The following ARSG variants were observed in gnomAD, a reference collection of about 807,000 sequenced individuals.
The protein encoded by ARSG is ASG.
In ARSG, 37 loss-of-function variants were observed where a neutral mutation model predicts 50.5. The ratio of observed to expected loss-of-function variants is 0.73; its 90% CI spans 0.56 to 0.96. The LOEUF (loss-of-function observed/expected upper bound fraction) is 0.96. Among genes scored for constraint, ARSG ranks in the 50% least tolerant of loss-of-function variants. ARSG has a pLI of 0.00. For missense variants in ARSG, 629 were observed against 675.3 expected (o/e 0.93, Z 0.76); for synonymous variants, 225 against 254.6 (o/e 0.88, Z 1.11).
At chr17:68,369,130 G>A (rs974823962) in intron 7 of ARSG, among the ~76,000 whole-genome samples, 3 of 152,178 alleles carry the variant, frequency 2.0e-5, no homozygotes, top group African/African-American at 4.8e-5. Context: ...GCCACTCCCC[G>A]TGTCACGTCT....
chr17:68,271,685 T>C lies in ARSG; in HGVS notation c.-552+12259T>C. 6.4e-7 allele frequency: 1 copy of C among 1,574,212 alleles called. No homozygotes were observed. Among genetic ancestry groups the C allele is most frequent in the Non-Finnish European group, 8.7e-7 (1 of 1,150,106 alleles). ...ATAGGCAGGAGTGAAGAAGAAATAA[T>C]ATAAGGTCAATAATGGACTCAAGAC... On this transcript the variant is annotated intron_variant, in intron 1 of 11. Transcript: ENST00000448504. This position sits in a 1 kb window ranked among gnomAD's most constrained non-coding sequence, Gnocchi z 5.3.
the ARSG span, chr17:68,450,949 G>A: frequency 6.4e-7 from 1 of 1,569,438 alleles, no homozygotes; most frequent in Non-Finnish European, 8.6e-7. Context: ...TTCCAAGAAG[G>A]ATTCCAGCCT....
At chr17:68,422,984 G>A (rs972969415), downstream of ARSG, among the ~76,000 whole-genome samples, 1 of 152,126 alleles carries the variant, frequency 6.6e-6, no homozygotes, top group African/African-American at 2.4e-5. Flanking sequence ...GTGATCCTAC[G>A]CAGGGAAGTG....
At chr17:68,298,509 C>A (rs1555759430) in intron 1 of ARSG, among the ~76,000 whole-genome samples, 2 of 148,346 alleles carry the variant, frequency 1.3e-5, no homozygotes, top group Non-Finnish European at 1.5e-5. Flanking sequence ...GCACGAGAAT[C>A]ACTTGAACCC....
At chr17:68,363,870 C>T (rs939785794) in intron 6 of ARSG, among the ~76,000 whole-genome samples, 7 of 152,210 alleles carry the variant, frequency 4.6e-5, no homozygotes, top group East Asian at 1.9e-4. Context: ...AATGGTGGGG[C>T]GGGGGACAAG....
At chr17:68,335,895 C>T (rs779962896) in intron 2 of ARSG, among the ~76,000 whole-genome samples, 18 of 152,170 alleles carry the variant, frequency 1.2e-4, no homozygotes, top group Admixed American at 2.0e-4. Context: ...AGAGCAATAT[C>T]GTGTTTTTCT....
chr17:68,421,045 C>T (rs931185341), downstream of ARSG: 37 of 155,388 alleles, frequency 2.4e-4, no homozygotes, highest in Admixed American at 6.9e-4. Flanking sequence ...CAGTAGGGCT[C>T]GAGTAGATCC....
chr17:68,326,362 A>G (rs2077503665), intron 2 of ARSG, among the ~76,000 whole-genome samples: 2 of 152,192 alleles, frequency 1.3e-5, no homozygotes, highest in African/African-American at 4.8e-5. Flanking sequence ...AGCCAGCTGG[A>G]AGTGTTCTAG....
At chr17:68,323,978 C>T (rs1410554279) in intron 2 of ARSG, among the ~76,000 whole-genome samples, 1 of 147,226 alleles carries the variant, frequency 6.8e-6, no homozygotes, top group African/African-American at 2.5e-5. Context: ...GAGGCTGAGG[C>T]AGGAGAATTG....
At chr17:68,315,243 G>A (rs2077025136) in intron 2 of ARSG, among the ~76,000 whole-genome samples, 1 of 152,092 alleles carries the variant, frequency 6.6e-6, no homozygotes, top group Non-Finnish European at 1.5e-5. Flanking sequence ...TTCCCATATG[G>A]CTGTCAAAGA....
At chr17:68,438,696 G>A in the ARSG span, among the ~76,000 whole-genome samples, 1 of 152,224 alleles carries the variant, frequency 6.6e-6, no homozygotes, top group African/African-American at 2.4e-5. Context: ...CGCCTCTTTG[G>A]TTCAAGCGAT....
chr17:68,403,372 A>AG (rs940342675), intron 11 of ARSG, among the ~76,000 whole-genome samples: 1 of 152,222 alleles, frequency 6.6e-6, no homozygotes, highest in African/African-American at 2.4e-5. Flanking sequence ...TATAACACCC[A>AG]GGGGAGGTCT....
chr17:68,427,364 T>G (rs1329846493), downstream of ARSG: 2 of 832,670 alleles, frequency 2.4e-6, no homozygotes, highest in African/African-American at 3.4e-5. Flanking sequence ...GTGGGTTATT[T>G]ATTTATTTTT....
At chr17:68,388,942 A>G (rs972752969) in intron 9 of ARSG, among the ~76,000 whole-genome samples, 10 of 146,492 alleles carry the variant, frequency 6.8e-5, no homozygotes, top group African/African-American at 2.3e-4. Context: ...AAAAAAAAAA[A>G]AAAGAAAAAC....
intron 8 of ARSG, among the ~76,000 whole-genome samples, chr17:68,380,451 A>G (rs1459465683): frequency 1.3e-5 from 2 of 152,078 alleles, no homozygotes; most frequent in African/African-American, 4.8e-5. Flanking sequence ...TTTATTTAGT[A>G]GAGACACGGG....
chr17:68,365,920 A>C (rs1299330488), intron 6 of ARSG, among the ~76,000 whole-genome samples: 8 of 152,284 alleles, frequency 5.3e-5, no homozygotes, highest in Admixed American at 5.2e-4. Context: ...CTACTTTCAA[A>C]AAATATTATT....
chr17:68,320,507 G>A (rs1182715636), intron 2 of ARSG, among the ~76,000 whole-genome samples: 1 of 152,170 alleles, frequency 6.6e-6, no homozygotes, highest in Non-Finnish European at 1.5e-5. Flanking sequence ...CCCAGGTGCT[G>A]GGAACACAGC....
intron 1 of ARSG, among the ~76,000 whole-genome samples, chr17:68,299,523 T>A (rs2076336207): frequency 6.6e-6 from 1 of 151,972 alleles, no homozygotes; most frequent in Admixed American, 6.6e-5. Context: ...GATCTCATCC[T>A]AGATCTACAA....
At chr17:68,389,951 C>T (rs559238119) in intron 9 of ARSG, among the ~76,000 whole-genome samples, 1 of 151,814 alleles carries the variant, frequency 6.6e-6, no homozygotes, top group South Asian at 2.1e-4. Context: ...CACCTGCACA[C>T]CTTGGGGTCC....
Sources: allele counts gnomAD v4.1 joint callset (sites outside exome capture counted in the v4.1 genomes callset), GRCh38; gene constraint gnomAD v4.1.1; non-coding constraint Gnocchi (gnomAD v3.1); transcripts MANE v1.5; gene names NCBI Gene and HGNC (gene_info 2026-07-23, HGNC 2026-07-21).